Variants in RP1L1 observed in about 807,000 individuals in gnomAD.
The protein encoded by RP1L1 is retinitis pigmentosa 1-like 1 protein.
RP1L1 carries 27 observed loss-of-function variants against 15.7 expected under a neutral mutation model. That is an observed-to-expected ratio of 1.72 (90% CI 1.27 to 2.38). The LOEUF (loss-of-function observed/expected upper bound fraction) is 2.38. Ranked by LOEUF, RP1L1 falls within the 30% of genes most tolerant of loss-of-function variation. The pLI, the probability that RP1L1 is intolerant of heterozygous loss-of-function variation, is 0.00. For synonymous variants in RP1L1, 1,813 were observed against 1,276.7 expected, an observed-to-expected ratio of 1.42 and a Z score of -8.96; for missense variants, 4,798 against 3,075.9, an observed-to-expected ratio of 1.56 and a Z score of -13.24.
chr8:10,617,046 CTG>C (rs1401792605), intron 2 of RP1L1, among the ~76,000 whole-genome samples: 4 of 152,160 alleles, frequency 2.6e-5, no homozygotes, highest in African/African-American at 9.7e-5. Context: ...CTGGTACAGT[CTG>C]AGTCTGTTGC....
chr8:10,645,555 G>A (rs929288222), intron 1 of RP1L1, among the ~76,000 whole-genome samples: 12 of 152,040 alleles, frequency 7.9e-5, no homozygotes, highest in African/African-American at 2.4e-4. Context: ...CCAGCCCTCG[G>A]AGGGAGGATG....
At chr8:10,637,451 A>C (rs2117251693) in intron 1 of RP1L1, among the ~76,000 whole-genome samples, 1 of 152,290 alleles carries the variant, frequency 6.6e-6, no homozygotes, top group South Asian at 2.1e-4. Context: ...TAAACATAGC[A>C]ATAAAAAATA....
Position 10,609,522 on chromosome 8 carries a change from T to C in RP1L1, c.4576A>G (p.Thr1526Ala). 6.2e-7 allele frequency: 1 copy of C among 1,608,570 alleles called. No homozygotes were observed. The highest frequency in any genetic ancestry group is 1.1e-5 in the South Asian group (1 of 90,996). ...AGGTGGGCCAGGAAGGCCTTCTCCG[T>C]CTTCTTCAGTAACACGGACACCCAG... is the stretch of plus-strand genomic sequence containing the variant. Reference protein sequence around the residue: ...PIWVSVLLKKTEKAFLAHLAS... With the variant: ...PIWVSVLLKKAEKAFLAHLAS... The change falls in exon 4 of 4, where the codon ACG (threonine) becomes GCG (alanine). Residue 1526 changes from threonine (T) to alanine (A), a missense_variant. Transcript: ENST00000382483.
At chr8:10,636,770 G>A (rs755659127) in intron 1 of RP1L1, among the ~76,000 whole-genome samples, 11 of 152,192 alleles carry the variant, frequency 7.2e-5, no homozygotes, top group Non-Finnish European at 1.5e-4. Flanking sequence ...ACTCCCAGCC[G>A]GGCCTGACCC....
chr8:10,610,304 C>A lies in RP1L1; in HGVS notation c.3794G>T (p.Arg1265Leu), dbSNP rs756233501. 5 of 1,614,188 alleles carry A rather than the reference C, an allele frequency of 3.1e-6. No individual in the cohort carries two copies. The East Asian group carries it at 6.7e-5, about 22-fold the overall frequency. The change falls in exon 4 of 4, where the codon CGA (arginine) becomes CTA (leucine). Residue 1265 changes from arginine to leucine, a missense_variant. Coordinates refer to ENST00000382483, the MANE Select transcript of RP1L1 (RefSeq NM_178857.6). ...CTCATTGGTGGCACAAGCGCAGGCTCGGGCGTTCAAGAAGGTTGGGAAACA... is the reference window on the plus strand; with the variant it reads ...CTCATTGGTGGCACAAGCGCAGGCTAGGGCGTTCAAGAAGGTTGGGAAACA... The part of the protein sequence containing the change: ...QCCFPTFLNA[R>L]ACACATNEDE...
chr8:10,612,727 G>A lies in RP1L1; in HGVS notation c.1371C>T (p.Ser457=). 1.9e-6 allele frequency: 3 copies of A among 1,606,300 alleles called. No homozygotes were observed. Among genetic ancestry groups the A allele is most frequent in the African/African-American group, 2.7e-5 (2 of 75,024 alleles). The change falls in exon 4 of 4, where the codon TCC becomes TCT. Residue 457 remains serine, a synonymous_variant. Coordinates refer to ENST00000382483, the MANE Select transcript of RP1L1 (RefSeq NM_178857.6). ...CCGAGCCCTCGGGGAGGCCGGTGCT[G>A]GAGGCTGGGCTGGCACTGTCCTGGC... The part of the protein sequence containing the change: ...RCSQDSASPA[S]STGLPEGSEP...
intron 1 of RP1L1, among the ~76,000 whole-genome samples, chr8:10,644,295 A>C (rs1327049336): frequency 1.3e-5 from 2 of 152,008 alleles, no homozygotes; most frequent in East Asian, 3.9e-4. Context: ...CAAAAAAAAA[A>C]AAAAATGGGG....
At chr8:10,647,552 A>T (rs766775615) in intron 1 of RP1L1, among the ~76,000 whole-genome samples, 4 of 152,082 alleles carry the variant, frequency 2.6e-5, no homozygotes, top group Admixed American at 6.5e-5. Context: ...TATAAATCTG[A>T]CACCTCTAGG....
At chr8:10,652,951 C>T in intron 1 of RP1L1, among the ~76,000 whole-genome samples, 1 of 152,146 alleles carries the variant, frequency 6.6e-6, no homozygotes, top group East Asian at 1.9e-4. Context: ...GGATCGATGA[C>T]ATCCCAGTGG....
chr8:10,625,658 G>A, intron 1 of RP1L1, among the ~76,000 whole-genome samples: 1 of 152,218 alleles, frequency 6.6e-6, no homozygotes, highest in East Asian at 1.9e-4. Flanking sequence ...TCAGGTGCGG[G>A]CAGGTAGAAT....
In RP1L1 at chr8:10,612,018, T is replaced by C; in HGVS notation, c.2080A>G (p.Arg694Gly). The change falls in exon 4 of 4, where the codon AGG becomes GGG. Residue 694 changes from arginine (R) to glycine (G), a missense_variant. Arg to Gly is a moderately radical substitution (Grantham distance 125). Transcript: ENST00000382483. Reference protein sequence around the residue: ...KQVPRPPERRRACQDGSVPRY... With the variant: ...KQVPRPPERRGACQDGSVPRY... ...GGCACTGAGCCATCCTGGCAGGCCC[T>C]TCGCCGCTCAGGAGGCCTCGGCACT... The C allele has an allele frequency of 6.2e-7, 1 of 1,613,878 alleles. No individual in the cohort carries two copies. Among genetic ancestry groups the C allele is most frequent in the African/African-American group, 1.3e-5 (1 of 75,066 alleles).
chr8:10,622,441 C>G (rs1798075265), intron 2 of RP1L1, 152 bp downstream of exon 2: 1 of 971,848 alleles, frequency 1.0e-6, no homozygotes, highest in Non-Finnish European at 1.6e-6. Context: ...GATTTATTGA[C>G]TTGACTGAGT....
chr8:10,608,618 C>G lies in RP1L1; in HGVS notation c.5480G>C (p.Gly1827Ala), dbSNP rs181861029. Residue 1827 changes from glycine (G) to alanine (A), a missense_variant, in exon 4 of 4, where the codon GGA (glycine) becomes GCA (alanine). Coordinates refer to ENST00000382483, the MANE Select transcript of RP1L1 (RefSeq NM_178857.6). ...TATGCCTTCGGCCCCATCACTCTGTCCTGGATCTTGGTCACCTCCTGCCGC... is the reference window on the plus strand; with the variant it reads ...TATGCCTTCGGCCCCATCACTCTGTGCTGGATCTTGGTCACCTCCTGCCGC... ...EAAAGGDQDP[G>A]QSDGAEGIEA... 1 of 1,614,096 alleles carries G rather than the reference C, an allele frequency of 6.2e-7. No individual in the cohort carries two copies. The highest frequency in any genetic ancestry group is 8.5e-7 in the Non-Finnish European group (1 of 1,180,050).
In RP1L1 at chr8:10,622,799, G is replaced by A. The variant is rs2117226120; in HGVS notation, c.403C>T (p.Gln135Ter). The A allele has an allele frequency of 1.2e-6, 2 of 1,613,902 alleles. No individual in the cohort carries two copies. The highest frequency in any genetic ancestry group is 1.7e-6 in the Non-Finnish European group (2 of 1,179,916). ...GAGGAGGTGCCTGGGGCTTCACGCT[G>A]GCCTTCGACATCCCGCAACTGCTGA... ...TAQQLRDVEGQREAPGTSSSR... is the reference protein window; with the variant it reads ...TAQQLRDVEG The change falls in exon 2 of 4, where the codon CAG becomes TAG. Residue 135 changes from glutamine to a stop codon, truncating the protein, a stop_gained. Transcript: ENST00000382483. LOFTEE classifies it high-confidence loss of function.
intron 1 of RP1L1, among the ~76,000 whole-genome samples, chr8:10,633,867 C>T (rs1169992611): frequency 6.6e-6 from 1 of 152,194 alleles, no homozygotes; most frequent in African/African-American, 2.4e-5. Context: ...TGAATTATAT[C>T]CCTTTTCAGC....
At chr8:10,645,458 C>T (rs148538036) in intron 1 of RP1L1, among the ~76,000 whole-genome samples, 68 of 152,296 alleles carry the variant, frequency 4.5e-4, no homozygotes, top group African/African-American at 1.5e-3. Flanking sequence ...GGTGTCCAGA[C>T]GTCAGTCTTC....
At chr8:10,636,351 C>T (rs917249868) in intron 1 of RP1L1, among the ~76,000 whole-genome samples, 10 of 152,356 alleles carry the variant, frequency 6.6e-5, no homozygotes, top group Middle Eastern at 3.4e-3. Flanking sequence ...CCAGACCCGT[C>T]AGCATCCCAG....
In RP1L1 at chr8:10,611,241, G is replaced by C; in HGVS notation, c.2857C>G (p.Pro953Ala). 8 of 1,613,054 alleles carry C rather than the reference G, an allele frequency of 5.0e-6. No individual in the cohort carries two copies. Among genetic ancestry groups the C allele is most frequent in the Admixed American group, 1.7e-5 (1 of 60,034 alleles). The change falls in exon 4 of 4, where the codon CCA (proline) becomes GCA (alanine). Residue 953 changes from proline to alanine, a missense_variant. Coordinates refer to ENST00000382483, the MANE Select transcript of RP1L1 (RefSeq NM_178857.6). ...VSPSSLPRSS[P>A]EAVVREWLDN... ...AGCCATTCGCGGACCACAGCCTCTG[G>C]AGACGAGCGGGGCAGAGAGCTGGGT...
intron 2 of RP1L1, among the ~76,000 whole-genome samples, chr8:10,622,011 G>C (rs1049768490): frequency 2.0e-5 from 3 of 152,062 alleles, no homozygotes; most frequent in African/African-American, 7.2e-5. Flanking sequence ...TAGGTTATTG[G>C]ATAAGACAAC....
Sources: allele counts gnomAD v4.1 joint callset (sites outside exome capture counted in the v4.1 genomes callset), GRCh38; gene constraint gnomAD v4.1.1; transcripts MANE v1.5; gene names NCBI Gene and HGNC (gene_info 2026-07-23, HGNC 2026-07-21).